ACAP2: variants seen among roughly 807,000 people sequenced by gnomAD.
ACAP2 encodes the protein arf-GAP with coiled-coil, ANK repeat and PH domain-containing protein 2.
ACAP2 carries 39 observed loss-of-function variants against 115.8 expected under a neutral mutation model. That is an observed-to-expected ratio of 0.34 (90% CI 0.26 to 0.44). ACAP2 has a LOEUF of 0.44. ACAP2 is among the 20% of genes least tolerant of loss of function. The pLI is 1.00. For missense variants in ACAP2, 662 were observed against 927.6 expected (o/e 0.71, Z 3.72); for synonymous variants, 289 against 315.8 (o/e 0.92, Z 0.90).
chr3:195,288,726 A>T (rs1432732625), intron 21 of ACAP2, among the ~76,000 whole-genome samples: 1 of 151,922 alleles, frequency 6.6e-6, no homozygotes, highest in Non-Finnish European at 1.5e-5. Flanking sequence ...GTTGTGGTGG[A>T]TCACGCCTGT....
At position 195,414,188 on chromosome 3, in the gene ACAP2, G is replaced by C. The variant is rs1415700705; in HGVS notation, c.54-22041C>G. Among the ~76,000 whole-genome samples the C allele has an allele frequency of 3.9e-5, 6 of 152,070 alleles. No individual in the cohort carries two copies. In the South Asian group the frequency reaches 1.2e-3, roughly 31 times the overall value. ...ATACTGGTGAGGATGTTCAGCAAAA[G>C]GAACTCTCATTCTTTGCTGATGGGA... is the stretch of plus-strand genomic sequence containing the variant. On this transcript the variant is annotated intron_variant, in intron 1 of 22. Transcript: ENST00000326793.
intron 4 of ACAP2, among the ~76,000 whole-genome samples, chr3:195,369,146 T>C (rs936275454): frequency 6.6e-6 from 1 of 152,138 alleles, no homozygotes; most frequent in Non-Finnish European, 1.5e-5. Context: ...AAACTTATTT[T>C]AAATAAATTG....
At position 195,333,117 on chromosome 3, in the gene ACAP2, A is replaced by T; in HGVS notation, c.580T>A (p.Ser194Thr). The change falls in exon 8 of 23, where the codon TCA (serine) becomes ACA (threonine). Residue 194 changes from serine to threonine, a missense_variant. This residue lies in a region of ACAP2 where 401 missense variants were observed against 604.4 expected (regional missense o/e 0.66). Transcript: ENST00000326793. ...AAGGCCAAATGGGCATACATAAATG[A>T]CAACATCTAATAGGGAAAAAAAGAT... ...RRSEILKSML[S>T]FMYAHLAFFH... The T allele has an allele frequency of 1.3e-6, 2 of 1,595,372 alleles. No homozygotes were observed. The highest frequency in any genetic ancestry group is 1.7e-6 in the Non-Finnish European group (2 of 1,168,010).
intron 3 of ACAP2, 125 bp downstream of exon 3, chr3:195,381,778 G>A (rs1457465527): frequency 9.9e-6 from 11 of 1,112,970 alleles, no homozygotes; most frequent in South Asian, 1.7e-5. Flanking sequence ...ACCAAGGGGT[G>A]ACCACTTTTC....
In ACAP2 at chr3:195,320,720, C is replaced by A; in HGVS notation, c.838G>T (p.Ala280Ser). ...EGYLFKRASN[A>S]FKTWNRRWFS... ...TATTACCTGTTCCAAGTTTTGAAGG[C>A]ATTGCTGGCTCGTTTGAACAGATAT... Residue 280 changes from alanine to serine, a missense_variant, in exon 10 of 23, where the codon GCC becomes TCC. Ala to Ser is a moderately conservative substitution (Grantham distance 99). Around this residue, in one of 3 missense-constraint regions of ACAP2, gnomAD observed 401 missense variants for 604.4 expected, o/e 0.66. Coordinates refer to ENST00000326793, the MANE Select transcript of ACAP2 (RefSeq NM_012287.6). The A allele has an allele frequency of 6.2e-7, 1 of 1,612,978 alleles. No individual in the cohort carries two copies. Among genetic ancestry groups the A allele is most frequent in the Admixed American group, 1.7e-5 (1 of 60,014 alleles).
chr3:195,373,784 GCCAGGTGGTGGACACCTATAATC>G (rs1217984763), intron 4 of ACAP2, among the ~76,000 whole-genome samples: 1 of 151,660 alleles, frequency 6.6e-6, no homozygotes, highest in African/African-American at 2.4e-5. Flanking sequence ...ACAAAAATTA[GCCAGGTGGTGGACACCTATAATC>G]CCAGCTACTC....
intron 22 of ACAP2, among the ~76,000 whole-genome samples, chr3:195,280,345 A>G (rs933454405): frequency 6.6e-6 from 1 of 151,938 alleles, no homozygotes; most frequent in Non-Finnish European, 1.5e-5. Context: ...GGTGGTGGGC[A>G]CCTGTAATCC....
intron 4 of ACAP2, among the ~76,000 whole-genome samples, chr3:195,349,207 C>T (rs895022143): frequency 7.9e-5 from 12 of 152,058 alleles, no homozygotes; most frequent in Admixed American, 4.6e-4. Flanking sequence ...ACTGGCCAGG[C>T]GCTGTGGCTC....
chr3:195,414,385 A>G (rs548115365), intron 1 of ACAP2, among the ~76,000 whole-genome samples: 1 of 152,320 alleles, frequency 6.6e-6, no homozygotes, highest in African/African-American at 2.4e-5. Context: ...CTGGGATTAT[A>G]GGTATGAGCT....
At chr3:195,363,643 A>C (rs551916928) in intron 4 of ACAP2, among the ~76,000 whole-genome samples, 3 of 139,060 alleles carry the variant, frequency 2.2e-5, no homozygotes, top group Non-Finnish European at 4.6e-5. Flanking sequence ...ACACACACAC[A>C]CACAAAAACA....
At chr3:195,366,075 C>T (rs755370212) in intron 4 of ACAP2, among the ~76,000 whole-genome samples, 3 of 152,124 alleles carry the variant, frequency 2.0e-5, no homozygotes, top group Non-Finnish European at 4.4e-5. Context: ...CTCCTGACCT[C>T]AAGTGATCTG....
chr3:195,374,376 G>C (rs750353687), intron 4 of ACAP2, among the ~76,000 whole-genome samples: 3 of 152,112 alleles, frequency 2.0e-5, no homozygotes, highest in Non-Finnish European at 2.9e-5. Flanking sequence ...GGGGCTGATC[G>C]AGACTCCATC....
At chr3:195,324,519 C>T (rs914677865) in intron 9 of ACAP2, among the ~76,000 whole-genome samples, 1 of 151,958 alleles carries the variant, frequency 6.6e-6, no homozygotes, top group Admixed American at 6.6e-5. Context: ...ATTGGGAGGC[C>T]GAGGTGGATG....
chr3:195,435,498 T>C (rs1246185238), intron 1 of ACAP2, among the ~76,000 whole-genome samples: 2 of 152,046 alleles, frequency 1.3e-5, no homozygotes, highest in Non-Finnish European at 2.9e-5. Context: ...TTTGCAGGTA[T>C]AAATTTCTCT....
chr3:195,324,041 C>T (rs1447854326), intron 9 of ACAP2, among the ~76,000 whole-genome samples: 1 of 151,684 alleles, frequency 6.6e-6, no homozygotes, highest in Non-Finnish European at 1.5e-5. Flanking sequence ...ATACCACCTA[C>T]TATGTACTAA....
At chr3:195,368,604 C>T (rs1890853) in intron 4 of ACAP2, among the ~76,000 whole-genome samples, 45,868 of 152,024 alleles carry the variant, frequency 0.3, 8,000 homozygotes, top group East Asian at 0.82. Context: ...CATGAAATTA[C>T]ATATCGTTGT....
At position 195,302,080 on chromosome 3, in the gene ACAP2, C is replaced by T. The variant is rs746713541; in HGVS notation, c.1211G>A (p.Arg404Gln). The change falls in exon 14 of 23, where the codon CGG becomes CAG. Residue 404 changes from arginine (R) to glutamine (Q), a missense_variant. By Grantham distance (43) the Arg-to-Gln change is conservative. Around this residue, in one of 3 missense-constraint regions of ACAP2, gnomAD observed 401 missense variants for 604.4 expected, o/e 0.66. Coordinates refer to ENST00000326793, the MANE Select transcript of ACAP2 (RefSeq NM_012287.6). ...KLLKGESALQ[R>Q]VQCIPGNASC... ...GGCATTGCCAGGGATACACTGGACC[C>T]GCTGAAGCGCACTTTCTCCTTTCAA... 9 of 1,614,050 alleles carry T rather than the reference C, an allele frequency of 5.6e-6. No individual in the cohort carries two copies. The highest frequency in any genetic ancestry group is 1.7e-5 in the Admixed American group (1 of 60,006).
At chr3:195,432,636 G>A (rs1367560547) in intron 1 of ACAP2, among the ~76,000 whole-genome samples, 2 of 152,064 alleles carry the variant, frequency 1.3e-5, no homozygotes, top group Non-Finnish European at 2.9e-5. Flanking sequence ...CTCCAACTTC[G>A]TTCTTTTTCA....
At chr3:195,288,290 GA>G (rs1235695890) in intron 21 of ACAP2, among the ~76,000 whole-genome samples, 1 of 152,156 alleles carries the variant, frequency 6.6e-6, no homozygotes. Flanking sequence ...TCTATAAAAT[GA>G]AGACAATATT....
Sources: gnomAD v4.1 joint callset for allele counts (sites outside exome capture counted in the v4.1 genomes callset) on GRCh38, gnomAD v4.1.1 for gene constraint, gnomAD v4.1.1 regional missense constraint, MANE v1.5 for transcripts, NCBI Gene and HGNC (gene_info 2026-07-23, HGNC 2026-07-21) for gene names.